Variants in SH2D4A observed in about 807,000 individuals in gnomAD.
SH2D4A encodes SH2 domain containing 4A.
A neutral mutation model predicts 64.7 loss-of-function variants in SH2D4A; 70 were observed. The ratio of observed to expected loss-of-function variants is 1.08; its 90% CI spans 0.89 to 1.32. The LOEUF (loss-of-function observed/expected upper bound fraction) is 1.32, where lower values mean the gene tolerates loss of function less well. Ranked by LOEUF, SH2D4A falls within the 40% of genes most tolerant of loss-of-function variation. The pLI, the probability that SH2D4A is intolerant of heterozygous loss-of-function variation, is 0.00. For synonymous variants in SH2D4A, 268 were observed against 200.7 expected (o/e 1.34, Z -2.83); for missense variants, 706 against 540.1 (o/e 1.31, Z -3.04).
rs2052807345 is a variant in SH2D4A, at chr8:19,357,249, C to T, written c.560C>T (p.Ser187Leu). The T allele has an allele frequency of 6.2e-7, 1 of 1,613,970 alleles. No individual in the cohort carries two copies. The highest frequency in any genetic ancestry group is 8.5e-7 in the Non-Finnish European group (1 of 1,179,842). The change falls in exon 5 of 10, where the codon TCA becomes TTA. Residue 187 changes from serine to leucine, a missense_variant. Ser to Leu is a moderately radical substitution (Grantham distance 145). Coordinates refer to ENST00000265807, the MANE Select transcript of SH2D4A (RefSeq NM_022071.4). Reference sequence around the variant, plus strand: ...AATATTCAACAAATGTTGGCAGATTCAATCAATCGTATGAAGGCATATGCA... The same window carrying T: ...AATATTCAACAAATGTTGGCAGATTTAATCAATCGTATGAAGGCATATGCA... ...SRNIQQMLAD[S>L]INRMKAYAFH...
chr8:19,385,522 C>G (rs1421032915), intron 8 of SH2D4A, among the ~76,000 whole-genome samples: 1 of 152,124 alleles, frequency 6.6e-6, no homozygotes, highest in African/African-American at 2.4e-5. Flanking sequence ...ATTTTGATTT[C>G]TTCCATTTTT....
chr8:19,314,376 G>T (rs2052049790), intron 1 of SH2D4A, among the ~76,000 whole-genome samples: 1 of 152,014 alleles, frequency 6.6e-6, no homozygotes, highest in African/African-American at 2.4e-5. Flanking sequence ...CCGCGCACCG[G>T]CACCCAGGGG....
intron 4 of SH2D4A, among the ~76,000 whole-genome samples, chr8:19,341,606 G>T (rs1025897728): frequency 3.3e-5 from 5 of 152,078 alleles, no homozygotes; most frequent in Non-Finnish European, 7.4e-5. Flanking sequence ...ACTTTGGGAG[G>T]CCGAGGCAGA....
At chr8:19,393,284 G>C (rs2053523688) in intron 8 of SH2D4A, 34 bp from the exon 9 acceptor site, 3 of 1,599,662 alleles carry the variant, frequency 1.9e-6, no homozygotes, top group Non-Finnish European at 1.7e-6. Context: ...GAATGATTTG[G>C]CTGAAATACC....
At chr8:19,366,372 C>T (rs1185423137) in intron 7 of SH2D4A, among the ~76,000 whole-genome samples, 11 of 152,246 alleles carry the variant, frequency 7.2e-5, no homozygotes, top group South Asian at 6.2e-4. Flanking sequence ...CTGTGGTTAC[C>T]GTGCTGTGCA....
chr8:19,387,385 A>G (rs1268082370), intron 8 of SH2D4A, among the ~76,000 whole-genome samples: 2 of 149,272 alleles, frequency 1.3e-5, no homozygotes, highest in African/African-American at 5.0e-5. Flanking sequence ...GCAGGTGTAC[A>G]CCACCACACC....
rs1000413393 is a variant in SH2D4A at position 19,368,630 on chromosome 8, T to A, written c.917+4348T>A. 8.0e-3 allele frequency among the ~76,000 whole-genome samples: 1,207 copies of A among 151,720 alleles called. 9 individuals carry two copies. Among genetic ancestry groups the A allele is most frequent in the African/African-American group, 0.028 (1,148 of 41,418 alleles). On this transcript the variant is annotated intron_variant, in intron 7 of 9. Coordinates refer to ENST00000265807, the MANE Select transcript of SH2D4A (RefSeq NM_022071.4). ...TTGTAAATAAAATTGCTTTTTTTTT[T>A]TTTTGTTAGTCCATTGTTGATGCAT...
rs997773588 is a variant in SH2D4A, at chr8:19,333,171, T to C, written c.341+57T>C. 66 of 1,541,690 alleles carry C rather than the reference T, an allele frequency of 4.3e-5. No homozygotes were observed. In the Middle Eastern group the frequency reaches 5.3e-4, roughly 12 times the overall value. On this transcript the variant is annotated intron_variant, in intron 3 of 9. Coordinates refer to ENST00000265807, the MANE Select transcript of SH2D4A (RefSeq NM_022071.4). Reference sequence around the variant, plus strand: ...AAGACTCTCCAGACTTTAGAAAACATTGCAAACACACCTCTTGCTCACAGT... The same window carrying C: ...AAGACTCTCCAGACTTTAGAAAACACTGCAAACACACCTCTTGCTCACAGT...
intron 8 of SH2D4A, among the ~76,000 whole-genome samples, chr8:19,379,737 T>G (rs2053259804): frequency 6.6e-6 from 1 of 152,162 alleles, no homozygotes; most frequent in South Asian, 2.1e-4. Flanking sequence ...TTTTTCTTTT[T>G]CCTTTTTTCT....
chr8:19,339,747 C>A (rs1284835484), intron 4 of SH2D4A, among the ~76,000 whole-genome samples: 1 of 152,078 alleles, frequency 6.6e-6, no homozygotes, highest in Non-Finnish European at 1.5e-5. Flanking sequence ...GTGATCCTCC[C>A]ACCTCAGCCA....
At chr8:19,340,604 T>TCTTTC (rs1467343138) in intron 4 of SH2D4A, among the ~76,000 whole-genome samples, 8 of 91,898 alleles carry the variant, frequency 8.7e-5, no homozygotes, top group African/African-American at 3.8e-4. Context: ...TTTCTTTCTT[T>TCTTTC]TTTTTTTTTT....
At chr8:19,345,008 G>A (rs2052590165) in intron 4 of SH2D4A, among the ~76,000 whole-genome samples, 1 of 152,144 alleles carries the variant, frequency 6.6e-6, no homozygotes, top group African/African-American at 2.4e-5. Flanking sequence ...TTTGAGCTAT[G>A]GTAATATAAT....
intron 2 of SH2D4A, among the ~76,000 whole-genome samples, chr8:19,322,333 T>C (rs929150010): frequency 4.6e-5 from 7 of 152,086 alleles, no homozygotes; most frequent in Non-Finnish European, 8.8e-5. Flanking sequence ...TTGTGCTCCC[T>C]GCCTCCCCTT....
chr8:19,363,492 G>C (rs1323889742), intron 6 of SH2D4A, among the ~76,000 whole-genome samples: 1 of 152,150 alleles, frequency 6.6e-6, no homozygotes. Flanking sequence ...TTAAAAGGCA[G>C]ACTTGGGGTA....
intron 1 of SH2D4A, among the ~76,000 whole-genome samples, chr8:19,318,962 C>T (rs2052136603): frequency 6.6e-6 from 1 of 151,598 alleles, no homozygotes; most frequent in Admixed American, 6.6e-5. Flanking sequence ...TGCAGAGAGC[C>T]TTTTAATTTC....
At chr8:19,334,665 T>A in intron 3 of SH2D4A, 21 bp from the exon 4 acceptor site, 1 of 1,570,648 alleles carries the variant, frequency 6.4e-7, no homozygotes, top group South Asian at 1.2e-5. Flanking sequence ...TTTTGAGAAT[T>A]TCACTTTTGC....
intron 5 of SH2D4A, among the ~76,000 whole-genome samples, chr8:19,360,452 A>G (rs1429252628): frequency 6.6e-6 from 1 of 152,048 alleles, no homozygotes; most frequent in Non-Finnish European, 1.5e-5. Context: ...CATCTCTTCA[A>G]AAAATACAAA....
At chr8:19,345,543 A>C (rs2052599536) in intron 4 of SH2D4A, among the ~76,000 whole-genome samples, 1 of 152,198 alleles carries the variant, frequency 6.6e-6, no homozygotes, top group Non-Finnish European at 1.5e-5. Flanking sequence ...TATTTCTGTA[A>C]ATAAGGCACA....
rs763160456 is a variant in SH2D4A, at chr8:19,333,038, C to T, written c.265C>T (p.Pro89Ser). ...GATGGGCGAACACCATCTAGATAAACCCTATGATGTGCTCTGTAATGAAAT... is the reference window on the plus strand; with the variant it reads ...GATGGGCGAACACCATCTAGATAAATCCTATGATGTGCTCTGTAATGAAAT... ...WVMGEHHLDK[P>S]YDVLCNEIIA... Residue 89 changes from proline to serine, a missense_variant, in exon 3 of 10, where the codon CCC becomes TCC. By Grantham distance (74) the Pro-to-Ser change is moderately conservative. Transcript: ENST00000265807. 1 of 1,614,022 alleles carries T rather than the reference C, an allele frequency of 6.2e-7. No homozygotes were observed. Among genetic ancestry groups the T allele is most frequent in the Non-Finnish European group, 8.5e-7 (1 of 1,179,994 alleles).
Sources: allele counts gnomAD v4.1 joint callset (sites outside exome capture counted in the v4.1 genomes callset), GRCh38; gene constraint gnomAD v4.1.1; transcripts MANE v1.5; gene names NCBI Gene and HGNC (gene_info 2026-07-23, HGNC 2026-07-21).